Variants in ESRRG observed in about 807,000 individuals in gnomAD.
ESRRG encodes the protein estrogen-related receptor gamma.
ESRRG carries 13 observed loss-of-function variants against 44.0 expected under a neutral mutation model. The observed-to-expected ratio is 0.30, with a 90% CI of 0.19 to 0.47. The LOEUF (loss-of-function observed/expected upper bound fraction) is 0.47, where lower values mean the gene tolerates loss of function less well. Among genes scored for constraint, ESRRG ranks in the 20% least tolerant of loss-of-function variants. ESRRG has a pLI of 1.00. For missense variants in ESRRG, 395 were observed against 580.6 expected, an observed-to-expected ratio of 0.68 and a Z score of 3.29; for synonymous variants, 215 against 214.6, an observed-to-expected ratio of 1.00 and a Z score of -0.02.
At chr1:216,875,215 T>C (rs762239776) in intron 2 of ESRRG, among the ~76,000 whole-genome samples, 19 of 152,194 alleles carry the variant, frequency 1.2e-4, no homozygotes, top group Non-Finnish European at 2.1e-4. Flanking sequence ...TTGGCTTTTA[T>C]TTTTTACACT....
At chr1:216,690,670 T>G (rs958720689) in intron 1 of ESRRG, among the ~76,000 whole-genome samples, 5 of 152,106 alleles carry the variant, frequency 3.3e-5, no homozygotes, top group African/African-American at 1.2e-4. Context: ...TTACCAGAAG[T>G]TTTCCTTGAT....
At chr1:217,047,104 T>C (rs1288745830) in intron 1 of ESRRG, among the ~76,000 whole-genome samples, 1 of 152,120 alleles carries the variant, frequency 6.6e-6, no homozygotes, top group Non-Finnish European at 1.5e-5. Context: ...GTCTCGATGG[T>C]AAGCCTGTGC....
At chr1:217,066,460 C>G (rs2089710849) in intron 1 of ESRRG, among the ~76,000 whole-genome samples, 1 of 151,638 alleles carries the variant, frequency 6.6e-6, no homozygotes, top group African/African-American at 2.4e-5. Context: ...CCAGGATGGT[C>G]TCGATCTCCT....
At chr1:216,626,680 C>A (rs1360690898) in intron 3 of ESRRG, among the ~76,000 whole-genome samples, 3 of 152,220 alleles carry the variant, frequency 2.0e-5, no homozygotes, top group East Asian at 1.9e-4. Flanking sequence ...ACTACCTCCC[C>A]ACTCTGTTCA....
intron 1 of ESRRG, among the ~76,000 whole-genome samples, chr1:216,719,978 G>A (rs966711766): frequency 1.3e-5 from 2 of 152,006 alleles, no homozygotes; most frequent in African/African-American, 4.8e-5. Flanking sequence ...AATGTGTATA[G>A]GGTAATACAT....
At chr1:216,931,985 C>A (rs923352962) in intron 2 of ESRRG, among the ~76,000 whole-genome samples, 7 of 152,152 alleles carry the variant, frequency 4.6e-5, no homozygotes, top group African/African-American at 1.2e-4. Context: ...GCAGGCAGAT[C>A]ATGAGGTCAG....
intron 6 of ESRRG, among the ~76,000 whole-genome samples, chr1:216,508,709 A>G (rs2041892401): frequency 6.6e-6 from 1 of 152,210 alleles, no homozygotes; most frequent in Non-Finnish European, 1.5e-5. Context: ...TGGTAATCTT[A>G]GGGACAGAAA....
chr1:216,938,877 T>A (rs2064638991), intron 2 of ESRRG, among the ~76,000 whole-genome samples: 1 of 152,212 alleles, frequency 6.6e-6, no homozygotes, highest in African/African-American at 2.4e-5. Context: ...CATGCTATGA[T>A]CCTCGTATGA....
At chr1:216,510,865 C>G (rs1030593321) in intron 6 of ESRRG, among the ~76,000 whole-genome samples, 14 of 152,000 alleles carry the variant, frequency 9.2e-5, no homozygotes, top group Admixed American at 4.6e-4. Flanking sequence ...CAGAGCCAGA[C>G]TCCGTCTCAA....
chr1:216,679,154 G>A (rs1292598678), intron 1 of ESRRG, among the ~76,000 whole-genome samples: 4 of 152,172 alleles, frequency 2.6e-5, no homozygotes, highest in African/African-American at 9.6e-5. Context: ...AAATATCTTC[G>A]TACTTTCGCC....
intron 2 of ESRRG, among the ~76,000 whole-genome samples, chr1:216,878,452 T>C (rs1164131827): frequency 6.6e-6 from 1 of 152,232 alleles, no homozygotes; most frequent in East Asian, 1.9e-4. Flanking sequence ...AATTTATGCC[T>C]TTGAGATTTA....
chr1:216,764,620 G>T (rs774330805), intron 2 of ESRRG, among the ~76,000 whole-genome samples: 13 of 152,012 alleles, frequency 8.6e-5, no homozygotes, highest in Non-Finnish European at 1.6e-4. Flanking sequence ...TCCTCAGCCT[G>T]ACAAGTAGAT....
At chr1:216,933,473 T>C (rs932466891) in intron 2 of ESRRG, among the ~76,000 whole-genome samples, 2 of 151,922 alleles carry the variant, frequency 1.3e-5, no homozygotes, top group African/African-American at 4.8e-5. Flanking sequence ...TGGGGCACTG[T>C]CAATTTCTGT....
chr1:216,799,912 A>T (rs919912259), intron 2 of ESRRG, among the ~76,000 whole-genome samples: 1 of 152,164 alleles, frequency 6.6e-6, no homozygotes, highest in Non-Finnish European at 1.5e-5. Flanking sequence ...CCTTAGAACC[A>T]TGTAATGTTC....
intron 1 of ESRRG, among the ~76,000 whole-genome samples, chr1:217,056,415 T>G (rs941509143): frequency 6.6e-6 from 1 of 152,126 alleles, no homozygotes; most frequent in South Asian, 2.1e-4. Flanking sequence ...CTCATGTTTA[T>G]TAAAGGAAAG....
chr1:216,852,957 C>T (rs1293626889), intron 2 of ESRRG, among the ~76,000 whole-genome samples: 1 of 152,146 alleles, frequency 6.6e-6, no homozygotes, highest in Admixed American at 6.6e-5. Context: ...CAGGTACTAC[C>T]TACTTGTTTT....
chr1:216,786,084 G>C (rs1426747797), intron 2 of ESRRG, among the ~76,000 whole-genome samples: 1 of 152,074 alleles, frequency 6.6e-6, no homozygotes, highest in Non-Finnish European at 1.5e-5. Context: ...AAAATGTCTG[G>C]TGTGCTATTT....
chr1:217,005,186 T>C (rs2077562409), intron 1 of ESRRG, among the ~76,000 whole-genome samples: 1 of 152,280 alleles, frequency 6.6e-6, no homozygotes, highest in Non-Finnish European at 1.5e-5. Flanking sequence ...TTTTAAATAC[T>C]GAAAGTGAGT....
intron 2 of ESRRG, among the ~76,000 whole-genome samples, chr1:216,784,904 A>T (rs2094069311): frequency 6.6e-6 from 1 of 152,030 alleles, no homozygotes; most frequent in Admixed American, 6.6e-5. Flanking sequence ...TTATATTGCT[A>T]TTTCAGTTTC....
Sources: gnomAD v4.1 joint callset for allele counts (sites outside exome capture counted in the v4.1 genomes callset) on GRCh38, gnomAD v4.1.1 for gene constraint, MANE v1.5 for transcripts, NCBI Gene and HGNC (gene_info 2026-07-23, HGNC 2026-07-21) for gene names.